ARHGAP39: variants seen among roughly 807,000 people sequenced by gnomAD.
The protein encoded by ARHGAP39 is Rho GTPase activating protein 39.
In ARHGAP39, 44 loss-of-function variants were observed where a neutral mutation model predicts 106.9. That is an observed-to-expected ratio of 0.41 (90% CI 0.32 to 0.53). ARHGAP39 has a LOEUF of 0.53. Among genes scored for constraint, ARHGAP39 ranks in the 20% least tolerant of loss-of-function variants. The pLI, the probability that ARHGAP39 is intolerant of heterozygous loss-of-function variation, is 0.21. For synonymous variants in ARHGAP39, 768 were observed against 693.2 expected, an observed-to-expected ratio of 1.11 and a Z score of -1.69; for missense variants, 1,496 against 1,577.3, an observed-to-expected ratio of 0.95 and a Z score of 0.87.
chr8:144,590,866 C>T (rs1468948265), intron 2 of ARHGAP39, among the ~76,000 whole-genome samples: 1 of 151,996 alleles, frequency 6.6e-6, no homozygotes, highest in Non-Finnish European at 1.5e-5. Flanking sequence ...GCCTTGTCGA[C>T]CGCCCTGGGG....
chr8:144,683,352 C>CA (rs1822479388), intron 1 of ARHGAP39: 1 of 140,740 alleles, frequency 7.1e-6, no homozygotes, highest in Non-Finnish European at 1.6e-5. Context: ...ATAAAATATT[C>CA]TTTTTTTTTT....
chr8:144,611,927 T>C (rs550531322), intron 1 of ARHGAP39, among the ~76,000 whole-genome samples: 3 of 151,100 alleles, frequency 2.0e-5, no homozygotes, highest in African/African-American at 7.3e-5. Flanking sequence ...GAGAATCGCC[T>C]GAATCTGGGA....
At chr8:144,667,199 C>T (rs1821986663) in intron 1 of ARHGAP39, among the ~76,000 whole-genome samples, 1 of 152,188 alleles carries the variant, frequency 6.6e-6, no homozygotes. Context: ...ATTGCCTGTC[C>T]CCAGGCAGCC....
chr8:144,553,145 A>G (rs1384775379), intron 4 of ARHGAP39, among the ~76,000 whole-genome samples: 6 of 152,212 alleles, frequency 3.9e-5, no homozygotes, highest in African/African-American at 1.4e-4. Context: ...AGTCCAGGTT[A>G]GCTGAGGATG....
At chr8:144,579,134 G>C (rs1422013686) in intron 3 of ARHGAP39, among the ~76,000 whole-genome samples, 4 of 146,764 alleles carry the variant, frequency 2.7e-5, no homozygotes, top group African/African-American at 1.0e-4. Flanking sequence ...CCCGGGAGGC[G>C]GAACTTGCAG....
intron 1 of ARHGAP39, among the ~76,000 whole-genome samples, chr8:144,642,722 C>G (rs529908443): frequency 9.9e-5 from 15 of 152,264 alleles, no homozygotes; most frequent in Non-Finnish European, 1.5e-4. Flanking sequence ...CCCCTGTACA[C>G]ACTCTCTTGC....
In ARHGAP39 at chr8:144,548,381, G is replaced by C. The variant is rs149760180; in HGVS notation, c.705C>G (p.Asp235Glu). Reference protein sequence around the residue: ...LAAQGNGYAPDGPPGVRSRRP... With the variant: ...LAAQGNGYAPEGPPGVRSRRP... ...TGCGGGAGCGGACCCCAGGTGGGCCGTCTGGGGCGTAGCCATTGCCCTGGG... is the reference window on the plus strand; with the variant it reads ...TGCGGGAGCGGACCCCAGGTGGGCCCTCTGGGGCGTAGCCATTGCCCTGGG... The change falls in exon 5 of 12, where the codon GAC becomes GAG. Residue 235 changes from aspartate to glutamate, a missense_variant. Physicochemically the swap from Asp to Glu is conservative, Grantham distance 45. Coordinates refer to ENST00000377307, the MANE Select transcript of ARHGAP39 (RefSeq NM_025251.3). This position sits in a 1 kb window ranked among gnomAD's most constrained non-coding sequence, Gnocchi z 7.4. The C allele has an allele frequency of 1.9e-6, 3 of 1,609,806 alleles. No individual in the cohort carries two copies. The South Asian group carries it at 3.3e-5, about 18-fold the overall frequency.
At chr8:144,601,425 C>T (rs1206700805) in intron 2 of ARHGAP39, among the ~76,000 whole-genome samples, 17 of 128,992 alleles carry the variant, frequency 1.3e-4, no homozygotes, top group South Asian at 5.3e-4. Context: ...TGGAGGCGTG[C>T]GTGCGTGCGA....
upstream of ARHGAP39, among the ~76,000 whole-genome samples, chr8:144,689,247 A>G (rs6599535): frequency 1 from 151,322 of 151,842 alleles, 75,402 homozygotes; most frequent in Middle Eastern, 1. Context: ...TTTTTTACAA[A>G]TATTTAACTA....
intron 1 of ARHGAP39, among the ~76,000 whole-genome samples, chr8:144,651,880 G>A (rs1012082772): frequency 7.9e-5 from 12 of 151,850 alleles, no homozygotes; most frequent in Non-Finnish European, 1.0e-4. Context: ...AGGCACCAAC[G>A]GAACGAATGG....
intron 6 of ARHGAP39, among the ~76,000 whole-genome samples, chr8:144,539,655 G>A (rs1817112101): frequency 6.6e-6 from 1 of 152,072 alleles, no homozygotes; most frequent in South Asian, 2.1e-4. Flanking sequence ...CAGCATCATC[G>A]AAGGAAAAGA....
intron 1 of ARHGAP39, among the ~76,000 whole-genome samples, chr8:144,634,203 A>T (rs113687081): frequency 8.1e-6 from 1 of 123,772 alleles, no homozygotes; most frequent in Non-Finnish European, 1.7e-5. Context: ...AGGCCTCTGC[A>T]GGCGCAGTCT....
intron 2 of ARHGAP39, among the ~76,000 whole-genome samples, chr8:144,601,879 C>CTG (rs371216228): frequency 3.2e-5 from 4 of 126,776 alleles, no homozygotes; most frequent in South Asian, 2.6e-4. Flanking sequence ...GCTCACGTAC[C>CTG]TGTGTGTGTC....
rs1191489574 is a variant in ARHGAP39 at position 144,533,248 on chromosome 8, T to C, written c.2766A>G (p.Ala922=). 2 of 1,613,010 alleles carry C rather than the reference T, an allele frequency of 1.2e-6. No individual in the cohort carries two copies. Among genetic ancestry groups the C allele is most frequent in the Non-Finnish European group, 8.5e-7 (1 of 1,179,986 alleles). Residue 922 remains alanine (A), a synonymous_variant, in exon 9 of 12, where the codon GCA becomes GCG. Coordinates refer to ENST00000377307, the MANE Select transcript of ARHGAP39 (RefSeq NM_025251.3). ...TCTGCATGCCCATGACCTCCTGCAG[T>C]GCGCTGCCGAACATGGACGGGCTGA... The part of the protein sequence containing the change: ...AVFSPSMFGS[A]LQEVMGMQRE...
chr8:144,613,156 G>T (rs1399644885), intron 1 of ARHGAP39, among the ~76,000 whole-genome samples: 1 of 151,942 alleles, frequency 6.6e-6, no homozygotes, highest in Non-Finnish European at 1.5e-5. Flanking sequence ...TTCTCTCCTG[G>T]CCTTTTATTT....
intron 3 of ARHGAP39, among the ~76,000 whole-genome samples, chr8:144,557,841 A>G (rs564556100): frequency 2.4e-4 from 37 of 152,384 alleles, no homozygotes; most frequent in African/African-American, 8.9e-4. Context: ...ATTTATCCTT[A>G]CCACCATTGT....
chr8:144,614,869 A>C (rs1820593881), intron 1 of ARHGAP39, among the ~76,000 whole-genome samples: 1 of 152,190 alleles, frequency 6.6e-6, no homozygotes, highest in African/African-American at 2.4e-5. Flanking sequence ...AGCTCTGAGT[A>C]CTTACTGTTC....
intron 1 of ARHGAP39, among the ~76,000 whole-genome samples, chr8:144,648,451 A>G (rs1468600894): frequency 6.6e-6 from 1 of 152,198 alleles, no homozygotes; most frequent in East Asian, 1.9e-4. Flanking sequence ...GCACTCACAG[A>G]CCCTCACTAC....
chr8:144,596,395 C>T (rs2130922853), intron 2 of ARHGAP39, among the ~76,000 whole-genome samples: 1 of 152,332 alleles, frequency 6.6e-6, no homozygotes, highest in Admixed American at 6.5e-5. Context: ...GGCCTCGCCA[C>T]CCCGGCGCTG....
Sources: allele counts gnomAD v4.1 joint callset (sites outside exome capture counted in the v4.1 genomes callset), GRCh38; gene constraint gnomAD v4.1.1; non-coding constraint Gnocchi (gnomAD v3.1); transcripts MANE v1.5; gene names NCBI Gene and HGNC (gene_info 2026-07-23, HGNC 2026-07-21).